The following BUB1 variants were observed in gnomAD, a reference collection of about 807,000 sequenced individuals.
BUB1 encodes mitotic checkpoint serine/threonine-protein kinase BUB1.
Under a neutral mutation model 135.2 loss-of-function variants are expected in BUB1, and 84 were observed. The observed-to-expected ratio is 0.62, with a 90% CI of 0.52 to 0.74. BUB1 has a LOEUF of 0.74. Ranked by LOEUF, BUB1 falls within the 30% of genes least tolerant of loss-of-function variation. BUB1 has a pLI of 0.00. For synonymous variants in BUB1, 403 were observed against 434.4 expected, an observed-to-expected ratio of 0.93 and a Z score of 0.90; for missense variants, 1,162 against 1,288.3, an observed-to-expected ratio of 0.90 and a Z score of 1.50.
chr2:110,653,639 A>T, intron 16 of BUB1, 116 bp from the exon 17 acceptor site: 1 of 791,228 alleles, frequency 1.3e-6, no homozygotes, highest in Non-Finnish European at 2.0e-6. Context: ...TTGCATTATG[A>T]TTTCAAAATA....
Position 110,657,391 on chromosome 2 carries a change from A to G in BUB1, c.1616+155T>C, listed in dbSNP as rs543142705. ...AAAATGAATTCCTGCAGTACTGTAA[A>G]TCTGGAGAACTTTGGCAACACCCCC... On this transcript the variant is annotated intron_variant, in intron 14 of 24. Coordinates refer to ENST00000302759, the MANE Select transcript of BUB1 (RefSeq NM_004336.5). Among the ~76,000 whole-genome samples, 3 of 152,226 alleles carry G rather than the reference A, an allele frequency of 2.0e-5. No individual in the cohort carries two copies. In the South Asian group the frequency reaches 6.2e-4, roughly 32 times the overall value.
intron 19 of BUB1, among the ~76,000 whole-genome samples, chr2:110,644,536 GAT>G (rs796312041): frequency 2.3e-4 from 32 of 140,114 alleles, no homozygotes; most frequent in African/African-American, 8.4e-4. Context: ...CAAAATTAAT[GAT>G]AGACACCAAA....
Position 110,642,112 on chromosome 2 carries a change from C to T in BUB1, c.2463+7G>A. Reference sequence around the variant, plus strand: ...ATATCATACAAAAGACAACTCAGGTCATTTACCTTTAAAACAAATTTCTGT... The same window carrying T: ...ATATCATACAAAAGACAACTCAGGTTATTTACCTTTAAAACAAATTTCTGT... On this transcript the variant is annotated splice_region_variant and intron_variant, in intron 20 of 24. Transcript: ENST00000302759. 1 of 1,584,954 alleles carries T rather than the reference C, an allele frequency of 6.3e-7. No homozygotes were observed. The highest frequency in any genetic ancestry group is 8.6e-7 in the Non-Finnish European group (1 of 1,159,822).
At chr2:110,644,058 C>CAA (rs58393999) in intron 19 of BUB1, among the ~76,000 whole-genome samples, 1,093 of 39,634 alleles carry the variant, frequency 0.028, 68 homozygotes, top group African/African-American at 0.068. Context: ...AACTGAAATG[C>CAA]AAAAAAAAAA....
At chr2:110,652,073 C>G (rs955278134) in intron 17 of BUB1, among the ~76,000 whole-genome samples, 1 of 152,050 alleles carries the variant, frequency 6.6e-6, no homozygotes, top group Non-Finnish European at 1.5e-5. Context: ...CACACACACA[C>G]ACACACACAC....
intron 20 of BUB1, 39 bp from the exon 21 acceptor site, chr2:110,641,842 A>G: frequency 6.3e-7 from 1 of 1,581,892 alleles, no homozygotes; most frequent in Non-Finnish European, 8.5e-7. Flanking sequence ...CCAATCTCGT[A>G]TTCTGAAAAA....
rs770194928 is a variant in BUB1 at position 110,641,692 on chromosome 2, G to T, written c.2575C>A (p.Gln859Lys). The change falls in exon 21 of 25, where the codon CAG becomes AAG. Residue 859 changes from glutamine (Q) to lysine (K), a missense_variant. Transcript: ENST00000302759. ...FMKFYSAHLFQNGSVLVGELY... is the reference protein window; with the variant it reads ...FMKFYSAHLFKNGSVLVGELY... The stretch of plus-strand genomic sequence containing the variant: ...TCTCCTACTAATACACTGCCATTCT[G>T]GAATAAGTGGGCAGAATAGAACTTC... 3.1e-6 allele frequency: 5 copies of T among 1,613,298 alleles called. No individual in the cohort carries two copies. In the South Asian group the frequency reaches 5.5e-5, roughly 18 times the overall value.
intron 5 of BUB1, 128 bp from the exon 6 acceptor site, chr2:110,669,681 T>C (rs1690365402): frequency 1.2e-5 from 7 of 580,510 alleles, no homozygotes; most frequent in Middle Eastern, 4.5e-4. Flanking sequence ...ATTCACACTG[T>C]CTCAGAAATT....
intron 8 of BUB1, among the ~76,000 whole-genome samples, chr2:110,667,053 G>C (rs906576956): frequency 9.9e-5 from 15 of 152,204 alleles, no homozygotes; most frequent in Admixed American, 9.2e-4. Context: ...GCCCAGAATG[G>C]CTATAGCCCA....
At chr2:110,666,714 T>G (rs922977601) in intron 8 of BUB1, among the ~76,000 whole-genome samples, 8 of 152,136 alleles carry the variant, frequency 5.3e-5, no homozygotes, top group Non-Finnish European at 2.9e-5. Context: ...TATACATGAC[T>G]GTTCTTGTAA....
chr2:110,657,621 C>T lies in BUB1; in HGVS notation c.1541G>A (p.Trp514Ter). 1 of 1,599,788 alleles carries T rather than the reference C, an allele frequency of 6.3e-7. No homozygotes were observed. The highest frequency in any genetic ancestry group is 8.5e-7 in the Non-Finnish European group (1 of 1,172,462). ...AGAAGAGATGATCTTATTGACTCCC[C>T]AAGCCCCAGATGACCTTACATTTTC... ...FQKNVRSSGA[W>*]GVNKIISSLS... The change falls in exon 14 of 25, where the codon TGG becomes TAG. Residue 514 changes from tryptophan to a stop codon, truncating the protein, a stop_gained. Transcript: ENST00000302759. LOFTEE classifies it high-confidence loss of function.
intron 23 of BUB1, 136 bp from the exon 24 acceptor site, chr2:110,639,984 C>T: frequency 1.3e-6 from 1 of 753,900 alleles, no homozygotes; most frequent in Non-Finnish European, 2.4e-6. Flanking sequence ...GGCATTTGTT[C>T]AATCGCCCCA....
rs550972060 is a variant in BUB1 at position 110,678,001 on chromosome 2, G to A, written c.-6C>T. On this transcript the variant is annotated 5_prime_UTR_variant, in exon 1 of 25. Coordinates refer to ENST00000302759, the MANE Select transcript of BUB1 (RefSeq NM_004336.5). The stretch of plus-strand genomic sequence containing the variant: ...ACATTTTCCGGGGTGTCCATGGCCA[G>A]AGGACGCTGGCCGGCAGCGGCCAAA... 72 of 1,606,268 alleles carry A rather than the reference G, an allele frequency of 4.5e-5. No individual in the cohort carries two copies. Among genetic ancestry groups the A allele is most frequent in the Non-Finnish European group, 5.7e-5 (67 of 1,177,052 alleles).
chr2:110,677,904 G>A (rs541035012), intron 1 of BUB1, 66 bp downstream of exon 1: 1 of 1,551,374 alleles, frequency 6.4e-7, no homozygotes, highest in African/African-American at 1.4e-5. Context: ...GTCTGGGGCG[G>A]GCCGGGCCCG....
intron 10 of BUB1, chr2:110,661,361 G>A (rs181027584): frequency 1.1e-4 from 61 of 556,040 alleles, no homozygotes; most frequent in Admixed American, 8.8e-4. Context: ...TTTAATTCAC[G>A]AAAGTATAAA....
At chr2:110,673,448 G>A (rs1210161825) in intron 3 of BUB1, among the ~76,000 whole-genome samples, 1 of 152,214 alleles carries the variant, frequency 6.6e-6, no homozygotes, top group Admixed American at 6.5e-5. Context: ...GGCATTGTAA[G>A]TGAGAGGCAG....
intron 4 of BUB1, among the ~76,000 whole-genome samples, chr2:110,671,260 C>T (rs1199576884): frequency 1.3e-5 from 2 of 152,040 alleles, no homozygotes; most frequent in African/African-American, 2.4e-5. Flanking sequence ...GTATGATTAT[C>T]GAATAAGGCT....
intron 19 of BUB1, among the ~76,000 whole-genome samples, chr2:110,645,307 G>A (rs186873023): frequency 1.4e-4 from 21 of 151,930 alleles, no homozygotes; most frequent in East Asian, 7.7e-4. Flanking sequence ...GGTGGTGTGC[G>A]CCTGTAGTCC....
rs1309166128 is a variant in BUB1, at chr2:110,650,795, G to A, written c.1965-11C>T. On this transcript the variant is annotated splice_polypyrimidine_tract_variant and intron_variant, in intron 17 of 24. Transcript: ENST00000302759. ...TTCTCTTGAATTGGACTGGACGTGT[G>A]AAAGGAATAAAGAAACCAAAACACC... 9 of 1,608,118 alleles carry A rather than the reference G, an allele frequency of 5.6e-6. No individual in the cohort carries two copies. In the Admixed American group the frequency reaches 1.3e-4, roughly 24 times the overall value.
Sources: allele counts gnomAD v4.1 joint callset (sites outside exome capture counted in the v4.1 genomes callset), GRCh38; gene constraint gnomAD v4.1.1; transcripts MANE v1.5; gene names NCBI Gene and HGNC (gene_info 2026-07-23, HGNC 2026-07-21).